Variants in TTN observed in about 807,000 individuals in gnomAD.
TTN encodes the protein connectin.
In TTN, 1,525 loss-of-function variants were observed where a neutral mutation model predicts 3,223.0. The observed-to-expected ratio is 0.47, with a 90% CI of 0.45 to 0.49. The LOEUF (loss-of-function observed/expected upper bound fraction) is 0.49, where lower values mean the gene tolerates loss of function less well. TTN is among the 20% of genes least tolerant of loss of function. TTN has a pLI of 0.00. For missense variants in TTN, 40,786 were observed against 43,424.0 expected (o/e 0.94, Z 5.40); for synonymous variants, 14,094 against 15,161.0 (o/e 0.93, Z 5.17).
rs1686316091 is a variant in TTN at position 178,526,071 on chromosome 2, A to T, written c.*941T>A. ...AATTATAACTAACAATTGAATTTAT[A>T]CTTGCATGAAAAGAACTACATCAAA... On this transcript the variant is annotated 3_prime_UTR_variant, in exon 363 of 363. Coordinates refer to ENST00000589042, the MANE Select transcript of TTN (RefSeq NM_001267550.2). 1 of 152,676 alleles carries T rather than the reference A, an allele frequency of 6.5e-6. No individual in the cohort carries two copies. The highest frequency in any genetic ancestry group is 1.5e-5 in the Non-Finnish European group (1 of 68,044). The allele number at this position is 152,676 out of a possible 1,614,324, so 9.5% of individuals were successfully genotyped here.
rs1368473033 is a variant in TTN at position 178,732,426 on chromosome 2, A to G, written c.16621+14T>C. ...ACAAGGTTAGCACAAAGATGTCAAG[A>G]AAACAATGCAAACCTTTTACAAACA... On this transcript the variant is annotated intron_variant, in intron 56 of 362. Transcript: ENST00000589042. 1.9e-6 allele frequency: 3 copies of G among 1,590,462 alleles called. No individual in the cohort carries two copies. The highest frequency in any genetic ancestry group is 2.2e-5 in the East Asian group (1 of 44,530).
rs780566983 is a variant in TTN at position 178,635,655 on chromosome 2, G to A, written c.41669C>T (p.Thr13890Ile). ...IRDQHVKPKG[T>I]AIFACDIAKD... ...TGCTATATCACAGGCAAAAATAGCT[G>A]TCCCCTTGGGTTTCACATGCTGGTC... Residue 13890 changes from threonine to isoleucine, a missense_variant, in exon 227 of 363, where the codon ACA becomes ATA. Physicochemically the swap from Thr to Ile is moderately conservative, Grantham distance 89. Coordinates refer to ENST00000589042, the MANE Select transcript of TTN (RefSeq NM_001267550.2). The A allele has an allele frequency of 1.9e-6, 3 of 1,599,814 alleles. No individual in the cohort carries two copies. The highest frequency in any genetic ancestry group is 3.3e-4 in the Middle Eastern group (2 of 6,046).
rs1444604639 is a variant in TTN, at chr2:178,649,566, G to T, written c.39961C>A (p.Pro13321Thr). 1 of 1,549,586 alleles carries T rather than the reference G, an allele frequency of 6.5e-7. No individual in the cohort carries two copies. Among genetic ancestry groups the T allele is most frequent in the Admixed American group, 2.0e-5 (1 of 50,914 alleles). The change falls in exon 212 of 363, where the codon CCA (proline) becomes ACA (threonine). Residue 13321 changes from proline (P) to threonine (T), a missense_variant. Transcript: ENST00000589042. ...KVPTVKKPET[P>T]AAKVPEVPKK... is the part of the protein sequence containing the mutation. Reference sequence around the variant, plus strand: ...ATGAAGTGAATACCTTTAGCTGCTGGTGTTTCTGGCTTCTTAACAGTTGGG... The same window carrying T: ...ATGAAGTGAATACCTTTAGCTGCTGTTGTTTCTGGCTTCTTAACAGTTGGG...
chr2:178,711,940 T>C lies in TTN; in HGVS notation c.27886+4A>G. 1 of 1,560,244 alleles carries C rather than the reference T, an allele frequency of 6.4e-7. No individual in the cohort carries two copies. Among genetic ancestry groups the C allele is most frequent in the Non-Finnish European group, 8.7e-7 (1 of 1,153,154 alleles). Reference sequence around the variant, plus strand: ...TTCGTTCACTTTAAAAATATTGCAATCACCTTGAACGGTAAGGAAAGTTGA... The same window carrying C: ...TTCGTTCACTTTAAAAATATTGCAACCACCTTGAACGGTAAGGAAAGTTGA... On this transcript the variant is annotated splice_donor_region_variant and intron_variant, in intron 96 of 362. Transcript: ENST00000589042.
chr2:178,677,521 G>T, intron 146 of TTN, 100 bp downstream of exon 146: 1 of 1,268,916 alleles, frequency 7.9e-7, no homozygotes, highest in Admixed American at 2.8e-5. Flanking sequence ...CAATCACAGA[G>T]GGTAAAGGAT....
intron 135 of TTN, 125 bp from the exon 136 acceptor site, chr2:178,681,863 A>AGGCTAT: frequency 1.3e-6 from 1 of 759,236 alleles, no homozygotes; most frequent in Non-Finnish European, 2.0e-6. Flanking sequence ...CTATTGAAGT[A>AGGCTAT]GGCAAGAATC....
rs72648240 is a variant in TTN at position 178,553,192 on chromosome 2, G to A, written c.89708C>T (p.Thr29903Ile). 6.8e-6 allele frequency: 11 copies of A among 1,613,714 alleles called. No individual in the cohort carries two copies. The highest frequency in any genetic ancestry group is 1.7e-5 in the Admixed American group (1 of 59,998). The change falls in exon 335 of 363, where the codon ACT becomes ATT. Residue 29903 changes from threonine to isoleucine, a missense_variant. By Grantham distance (89) the Thr-to-Ile change is moderately conservative. Transcript: ENST00000589042. Reference sequence around the variant, plus strand: ...AATATATTTTCCTGTATCATTGCGAGTAACTTGAGGAATGGTGAGTAATGA... The same window carrying A: ...AATATATTTTCCTGTATCATTGCGAATAACTTGAGGAATGGTGAGTAATGA... ...SSSLLTIPQV[T>I]RNDTGKYILT...
In TTN at chr2:178,563,066, G is replaced by A; in HGVS notation, c.83066C>T (p.Ala27689Val). 6.2e-7 allele frequency: 1 copy of A among 1,613,626 alleles called. No homozygotes were observed. Among genetic ancestry groups the A allele is most frequent in the South Asian group, 1.1e-5 (1 of 91,082 alleles). The change falls in exon 326 of 363, where the codon GCA becomes GTA. Residue 27689 changes from alanine to valine, a missense_variant. Ala to Val is a moderately conservative substitution (Grantham distance 64). Transcript: ENST00000589042. The surrounding 1 kb of genome is among the most constrained non-coding windows in gnomAD (Gnocchi z 4.5). ...ADLRKVVVLR[A>V]SATLRLFVTI... ...GACAAATAAGCGTAAAGTAGCACTT[G>A]CACGCAGAACGACCACCTTTCTGAG...
Position 178,575,024 on chromosome 2 carries a change from G to T in TTN, c.71108C>A (p.Pro23703His). ...AATGTTCCTTGCTGTTAATGGATAGGGCCCACTATCACTTCTGACACACTC... is the reference window on the plus strand; with the variant it reads ...AATGTTCCTTGCTGTTAATGGATAGTGCCCACTATCACTTCTGACACACTC... ...INECVRSDSG[P>H]YPLTARNIVG... is the part of the protein sequence containing the mutation. The change falls in exon 326 of 363, where the codon CCC becomes CAC. Residue 23703 changes from proline to histidine, a missense_variant. Pro to His is a moderately conservative substitution (Grantham distance 77). Coordinates refer to ENST00000589042, the MANE Select transcript of TTN (RefSeq NM_001267550.2). This position sits in a 1 kb window ranked among gnomAD's most constrained non-coding sequence, Gnocchi z 4.0. The T allele has an allele frequency of 3.1e-6, 5 of 1,613,302 alleles. No homozygotes were observed. The highest frequency in any genetic ancestry group is 4.2e-6 in the Non-Finnish European group (5 of 1,179,596).
chr2:178,629,473 T>A, intron 239 of TTN, 30 bp from the exon 240 acceptor site: 7 of 1,611,368 alleles, frequency 4.3e-6, no homozygotes, highest in Non-Finnish European at 5.9e-6. Context: ...CAGCTTTGCG[T>A]TACTCATTTT....
Position 178,591,410 on chromosome 2 carries a change from C to G in TTN, c.60315G>C (p.Val20105=). The G allele has an allele frequency of 6.2e-7, 1 of 1,611,014 alleles. No homozygotes were observed. Among genetic ancestry groups the G allele is most frequent in the African/African-American group, 1.3e-5 (1 of 74,936 alleles). ...TTGTCCACTTTGCAGTAGGAACAGG[C>G]ACACCTCTTATAATAGCAGGGAATC... ...TVRFPAIIRG[V]PVPTAKWTTD... Residue 20105 remains valine, a synonymous_variant, in exon 304 of 363, where the codon GTG becomes GTC. Transcript: ENST00000589042.
At position 178,577,015 on chromosome 2, in the gene TTN, C is replaced by G. The variant is rs2046587390; in HGVS notation, c.69320G>C (p.Gly23107Ala). The change falls in exon 324 of 363, where the codon GGA becomes GCA. Residue 23107 changes from glycine to alanine, a missense_variant. Transcript: ENST00000589042. ...CRHVATKLIQ[G>A]NEYIFRVSAV... ...TGAGACCCGGAAGATGTACTCATTTCCTTGGATAAGTTTGGTTGCCACATG... is the reference window on the plus strand; with the variant it reads ...TGAGACCCGGAAGATGTACTCATTTGCTTGGATAAGTTTGGTTGCCACATG... 3 of 1,613,436 alleles carry G rather than the reference C, an allele frequency of 1.9e-6. No homozygotes were observed. The highest frequency in any genetic ancestry group is 8.5e-7 in the Non-Finnish European group (1 of 1,179,582).
At position 178,619,603 on chromosome 2, in the gene TTN, TA is replaced by T; in HGVS notation, c.46696+17del. On this transcript the variant is annotated intron_variant, in intron 250 of 362. Coordinates refer to ENST00000589042, the MANE Select transcript of TTN (RefSeq NM_001267550.2). ...ACTCTGTGATATTGGAAGGATATTT[TA>T]AAATAAAGGGACTGACCTGCCAGTT... The T allele has an allele frequency of 6.2e-7, 1 of 1,604,104 alleles. No homozygotes were observed.
At position 178,731,377 on chromosome 2, in the gene TTN, C is replaced by T. The variant is rs752644615; in HGVS notation, c.17389G>A (p.Asp5797Asn). ...TTGGCCTGACAGACATATTTCCCATCATGCTTGACTTCAATGCCACTGAGG... is the reference window on the plus strand; with the variant it reads ...TTGGCCTGACAGACATATTTCCCATTATGCTTGACTTCAATGCCACTGAGG... The part of the protein sequence containing the change: ...LYLSGIEVKH[D>N]GKYVCQAKND... The change falls in exon 59 of 363, where the codon GAT (aspartate) becomes AAT (asparagine). Residue 5797 changes from aspartate to asparagine, a missense_variant. Asp to Asn is a conservative substitution (Grantham distance 23). Coordinates refer to ENST00000589042, the MANE Select transcript of TTN (RefSeq NM_001267550.2). 6.2e-7 allele frequency: 1 copy of T among 1,613,700 alleles called. No homozygotes were observed. The highest frequency in any genetic ancestry group is 1.3e-5 in the African/African-American group (1 of 74,912).
chr2:178,692,473 T>C, intron 120 of TTN, 24 bp downstream of exon 120: 1 of 1,547,680 alleles, frequency 6.5e-7, no homozygotes, highest in Non-Finnish European at 8.8e-7. Flanking sequence ...CTAAGAATTA[T>C]TTTTTTCACA....
chr2:178,663,092 G>A (rs1287179068), intron 173 of TTN, 37 bp from the exon 174 acceptor site: 1 of 1,595,194 alleles, frequency 6.3e-7, no homozygotes, highest in Non-Finnish European at 8.6e-7. Context: ...TAGAAAAGGT[G>A]AAAATGATGG....
chr2:178,544,377 T>C lies in TTN; in HGVS notation c.95852A>G (p.Lys31951Arg). The change falls in exon 345 of 363, where the codon AAG (lysine) becomes AGG (arginine). Residue 31951 changes from lysine (K) to arginine (R), a missense_variant. Transcript: ENST00000589042. Reference sequence around the variant, plus strand: ...CACTCGGTACCACTGATCAGTGTCCTTCTCTTGCATTTCCAGAACATATCC... The same window carrying C: ...CACTCGGTACCACTGATCAGTGTCCCTCTCTTGCATTTCCAGAACATATCC... ...IVGYVLEMQEKDTDQWYRVHT... is the reference protein window; with the variant it reads ...IVGYVLEMQERDTDQWYRVHT... 6.2e-7 allele frequency: 1 copy of C among 1,613,760 alleles called. No individual in the cohort carries two copies. The highest frequency in any genetic ancestry group is 1.1e-5 in the South Asian group (1 of 91,044).
At chr2:178,643,203 A>G (rs1379776023) in intron 218 of TTN, among the ~76,000 whole-genome samples, 1 of 151,996 alleles carries the variant, frequency 6.6e-6, no homozygotes, top group East Asian at 1.9e-4. Context: ...TAGGAATCTG[A>G]ATTTTTAGAT....
At position 178,749,179 on chromosome 2, in the gene TTN, C is replaced by T. The variant is rs529300203; in HGVS notation, c.11311+3945G>A. The T allele has an allele frequency of 2.1e-4, 342 of 1,611,292 alleles. 5 individuals are homozygous for T. The South Asian group carries it at 3.5e-3, about 17-fold the overall frequency. ...TTTGGGCACATTCTTGTACATTTTC[C>T]TTTTCTGATCTACCAAGTTTTCCAA... On this transcript the variant is annotated intron_variant, in intron 47 of 362. Coordinates refer to ENST00000589042, the MANE Select transcript of TTN (RefSeq NM_001267550.2).
Sources: gnomAD v4.1 joint callset for allele counts (sites outside exome capture counted in the v4.1 genomes callset) on GRCh38, gnomAD v4.1.1 for gene constraint, Gnocchi (gnomAD v3.1) non-coding constraint, MANE v1.5 for transcripts, NCBI Gene and HGNC (gene_info 2026-07-23, HGNC 2026-07-21) for gene names.